TNNI3K: variants seen among roughly 807,000 people sequenced by gnomAD.
TNNI3K encodes the protein serine/threonine-protein kinase TNNI3K.
TNNI3K carries 140 observed loss-of-function variants against 114.5 expected under a neutral mutation model. That is an observed-to-expected ratio of 1.22 (90% CI 1.07 to 1.41). TNNI3K has a LOEUF of 1.41. Among genes scored for constraint, TNNI3K ranks in the 40% most tolerant of loss-of-function variants. The pLI is 0.00. For missense variants in TNNI3K, 1,125 were observed against 1,007.6 expected, an observed-to-expected ratio of 1.12 and a Z score of -1.58; for synonymous variants, 347 against 347.5, an observed-to-expected ratio of 1.00 and a Z score of 0.02.
intron 23 of TNNI3K, among the ~76,000 whole-genome samples, chr1:74,522,680 G>A (rs1646450496): frequency 6.6e-6 from 1 of 152,006 alleles, no homozygotes; most frequent in African/African-American, 2.4e-5. Context: ...GAGAAAGAGA[G>A]AAATGCCCCA....
At chr1:74,387,163 A>G (rs1159405302) in intron 17 of TNNI3K, among the ~76,000 whole-genome samples, 1 of 152,190 alleles carries the variant, frequency 6.6e-6, no homozygotes, top group East Asian at 1.9e-4. Context: ...ATTGAACAAT[A>G]CAAACAATTT....
intron 17 of TNNI3K, among the ~76,000 whole-genome samples, chr1:74,431,386 T>C (rs1226091834): frequency 6.6e-6 from 1 of 152,118 alleles, no homozygotes; most frequent in South Asian, 2.1e-4. Flanking sequence ...ATTTTCTAGG[T>C]ATCTCAGAAT....
chr1:74,464,807 A>T (rs1056210160), intron 21 of TNNI3K: 2 of 1,508,558 alleles, frequency 1.3e-6, no homozygotes, highest in Admixed American at 4.3e-5. Flanking sequence ...TTCCATCACT[A>T]CCAAAATGTT....
chr1:74,456,454 A>G (rs1303608591), intron 20 of TNNI3K, among the ~76,000 whole-genome samples: 1 of 152,212 alleles, frequency 6.6e-6, no homozygotes, highest in African/African-American at 2.4e-5. Context: ...TTTTAGAGAA[A>G]GAAATCAACA....
chr1:74,521,535 T>C (rs1646432975), intron 23 of TNNI3K, among the ~76,000 whole-genome samples: 1 of 152,114 alleles, frequency 6.6e-6, no homozygotes, highest in Non-Finnish European at 1.5e-5. Context: ...TATATACACC[T>C]ATATATACAT....
chr1:74,528,781 G>A (rs187670861), intron 23 of TNNI3K, among the ~76,000 whole-genome samples: 78 of 152,222 alleles, frequency 5.1e-4, no homozygotes, highest in Non-Finnish European at 8.5e-4. Context: ...TGGGAGGAGC[G>A]GCACTTCAAC....
intron 2 of TNNI3K, among the ~76,000 whole-genome samples, chr1:74,248,197 G>A (rs1033049406): frequency 1.3e-5 from 2 of 152,084 alleles, no homozygotes; most frequent in Admixed American, 6.5e-5. Context: ...AGCCTGCGGC[G>A]CAGAGTGTAG....
At chr1:74,474,526 A>G (rs1415767838) in intron 21 of TNNI3K, among the ~76,000 whole-genome samples, 3 of 152,202 alleles carry the variant, frequency 2.0e-5, no homozygotes, top group Non-Finnish European at 4.4e-5. Flanking sequence ...TCTGTCATTC[A>G]TACTCTTAGA....
intron 17 of TNNI3K, chr1:74,374,478 C>T (rs1452380992): frequency 6.6e-6 from 1 of 151,828 alleles, no homozygotes; most frequent in African/African-American, 2.4e-5. Flanking sequence ...AACAGCAAAA[C>T]CATGTGAGAA....
intron 20 of TNNI3K, among the ~76,000 whole-genome samples, chr1:74,456,708 T>C (rs985276685): frequency 6.6e-6 from 1 of 152,170 alleles, no homozygotes; most frequent in African/African-American, 2.4e-5. Context: ...GAGATTTAAC[T>C]CTGTGTCCTG....
chr1:74,428,421 A>G (rs1345093255), intron 17 of TNNI3K, among the ~76,000 whole-genome samples: 2 of 152,074 alleles, frequency 1.3e-5, no homozygotes, highest in Non-Finnish European at 2.9e-5. Context: ...TAACATCACA[A>G]TTTGTATTTG....
At chr1:74,362,881 C>A (rs148541693) in intron 11 of TNNI3K, among the ~76,000 whole-genome samples, 230 of 152,168 alleles carry the variant, frequency 1.5e-3, no homozygotes, top group Middle Eastern at 6.8e-3. Flanking sequence ...AAAGAGATTT[C>A]AAGCTGGGAG....
At chr1:74,489,318 G>C in intron 22 of TNNI3K, 70 bp downstream of exon 22, 1 of 1,511,414 alleles carries the variant, frequency 6.6e-7, no homozygotes. Context: ...AGGGAATGTA[G>C]ATGAGCTGGT....
chr1:74,341,411 A>G (rs1217014222), intron 7 of TNNI3K, among the ~76,000 whole-genome samples: 3 of 152,144 alleles, frequency 2.0e-5, no homozygotes, highest in African/African-American at 7.2e-5. Flanking sequence ...TATTCTTTTC[A>G]GCATCCCTGG....
chr1:74,342,095 C>A (rs935335989), intron 7 of TNNI3K: 3 of 152,132 alleles, frequency 2.0e-5, no homozygotes, highest in African/African-American at 4.8e-5. Flanking sequence ...GCAAACAGAT[C>A]TTGGAAAGCA....
intron 4 of TNNI3K, 113 bp downstream of exon 4, chr1:74,250,882 G>C (rs1654890662): frequency 3.3e-6 from 3 of 908,370 alleles, no homozygotes; most frequent in South Asian, 2.3e-5. Flanking sequence ...TCAGTGACCA[G>C]AGGCGTTACA....
intron 17 of TNNI3K, chr1:74,378,609 T>A (rs1484395153): frequency 3.0e-5 from 2 of 67,194 alleles, no homozygotes; most frequent in Non-Finnish European, 6.1e-5. Flanking sequence ...TATATATATA[T>A]ATATATATAT....
intron 5 of TNNI3K, among the ~76,000 whole-genome samples, chr1:74,281,321 C>T (rs1401004419): frequency 2.6e-5 from 3 of 115,674 alleles, no homozygotes; most frequent in Non-Finnish European, 3.5e-5. Context: ...TATACTATCA[C>T]CCACAATAAT....
In TNNI3K at chr1:74,369,563, T is replaced by A. The variant is rs200209236; in HGVS notation, c.1645T>A (p.Ser549Thr). 20 of 1,609,684 alleles carry A rather than the reference T, an allele frequency of 1.2e-5. No homozygotes were observed. The highest frequency in any genetic ancestry group is 1.7e-5 in the Non-Finnish European group (20 of 1,178,006). ...TQYISGGSLFSLLHEQKRILD... is the reference protein window; with the variant it reads ...TQYISGGSLFTLLHEQKRILD... ...ATACATATCAGGGGGTTCTCTGTTC[T>A]CCCTCCTTCATGAGCAGAAGAGGTA... The change falls in exon 16 of 25, where the codon TCC (serine) becomes ACC (threonine). Residue 549 changes from serine to threonine, a missense_variant. Physicochemically the swap from Ser to Thr is moderately conservative, Grantham distance 58. Coordinates refer to ENST00000326637, the MANE Select transcript of TNNI3K (RefSeq NM_015978.3).
Sources: gnomAD v4.1 joint callset for allele counts (sites outside exome capture counted in the v4.1 genomes callset) on GRCh38, gnomAD v4.1.1 for gene constraint, MANE v1.5 for transcripts, NCBI Gene and HGNC (gene_info 2026-07-23, HGNC 2026-07-21) for gene names.